The following CNTNAP2 variants were observed in gnomAD, a reference collection of about 807,000 sequenced individuals.
The protein encoded by CNTNAP2 is contactin associated protein 2.
In CNTNAP2, 98 loss-of-function variants were observed where a neutral mutation model predicts 155.2. The observed-to-expected ratio is 0.63, with a 90% CI of 0.54 to 0.75. The LOEUF (loss-of-function observed/expected upper bound fraction) is 0.75, where lower values mean the gene tolerates loss of function less well. Among genes scored for constraint, CNTNAP2 ranks in the 30% least tolerant of loss-of-function variants. The pLI is 0.00. For synonymous variants in CNTNAP2, 651 were observed against 631.2 expected (o/e 1.03, Z -0.47); for missense variants, 1,727 against 1,688.1 (o/e 1.02, Z -0.40).
At position 146,743,029 on chromosome 7, in the gene CNTNAP2, C is replaced by CT. The variant is rs570868962; in HGVS notation, c.98-31233dup. 8.6e-3 allele frequency among the ~76,000 whole-genome samples: 1,296 copies of CT among 150,964 alleles called. 41 individuals carry two copies. Among genetic ancestry groups the CT allele is most frequent in the Admixed American group, 0.064 (972 of 15,128 alleles). ...AATATTTGGCTAAAAATAGTGAAAT[C>CT]TTTTTTTTTAATTTTATTTTAGATG... is the stretch of plus-strand genomic sequence containing the variant. On this transcript the variant is annotated intron_variant, in intron 1 of 23. Coordinates refer to ENST00000361727, the MANE Select transcript of CNTNAP2 (RefSeq NM_014141.6).
intron 15 of CNTNAP2, among the ~76,000 whole-genome samples, chr7:148,075,280 T>G (rs952407643): frequency 6.6e-6 from 1 of 152,074 alleles, no homozygotes; most frequent in Admixed American, 6.5e-5. Context: ...CTACTAAAAT[T>G]ACAAAAATTA....
intron 6 of CNTNAP2, among the ~76,000 whole-genome samples, chr7:147,123,483 A>G (rs60844248): frequency 0.075 from 11,480 of 152,292 alleles, 789 homozygotes; most frequent in African/African-American, 0.19. Context: ...GCCCATCTAT[A>G]TACAATGTCG....
intron 1 of CNTNAP2, among the ~76,000 whole-genome samples, chr7:146,391,635 T>A (rs1795545248): frequency 1.3e-5 from 2 of 152,324 alleles, no homozygotes. Flanking sequence ...TTCAAATGAC[T>A]ATCAATTCAC....
intron 1 of CNTNAP2, among the ~76,000 whole-genome samples, chr7:146,769,506 G>A (rs113375371): frequency 3.3e-5 from 5 of 152,324 alleles, no homozygotes; most frequent in African/African-American, 1.2e-4. Flanking sequence ...CTTGCATGGA[G>A]TGCTGCTACA....
At chr7:147,498,215 T>C (rs1288367970) in intron 11 of CNTNAP2, among the ~76,000 whole-genome samples, 2 of 151,084 alleles carry the variant, frequency 1.3e-5, no homozygotes, top group Non-Finnish European at 2.9e-5. Context: ...CAGCTGACCA[T>C]GTGGCTGATT....
At chr7:147,550,870 T>C (rs1799838840) in intron 11 of CNTNAP2, among the ~76,000 whole-genome samples, 2 of 152,188 alleles carry the variant, frequency 1.3e-5, no homozygotes, top group East Asian at 3.8e-4. Flanking sequence ...ATAGATATAG[T>C]ATATACGTTT....
At chr7:146,487,497 T>A (rs950824204) in intron 1 of CNTNAP2, among the ~76,000 whole-genome samples, 2 of 152,232 alleles carry the variant, frequency 1.3e-5, no homozygotes, top group Non-Finnish European at 2.9e-5. Flanking sequence ...TACAACTTAA[T>A]GCTAATATCT....
chr7:147,473,054 A>C (rs1399163254), intron 10 of CNTNAP2, among the ~76,000 whole-genome samples: 1 of 152,170 alleles, frequency 6.6e-6, no homozygotes, highest in Non-Finnish European at 1.5e-5. Context: ...ACAGGGATCA[A>C]CTCAGGGCAA....
intron 20 of CNTNAP2, chr7:148,263,101 G>T (rs1360855304): frequency 6.6e-6 from 1 of 152,152 alleles, no homozygotes; most frequent in Non-Finnish European, 1.5e-5. Context: ...CTCGTGGTAA[G>T]ATCAGAGACT....
intron 1 of CNTNAP2, among the ~76,000 whole-genome samples, chr7:146,544,705 A>G (rs1798003659): frequency 1.3e-5 from 2 of 151,150 alleles, no homozygotes; most frequent in African/African-American, 4.9e-5. Context: ...CAAGAAGCAG[A>G]GTGCCTTGAA....
intron 15 of CNTNAP2, among the ~76,000 whole-genome samples, chr7:148,049,028 A>G (rs1254818306): frequency 6.6e-6 from 1 of 152,134 alleles, no homozygotes; most frequent in Non-Finnish European, 1.5e-5. Flanking sequence ...ACTGGCCAAC[A>G]TGGTGAAACC....
chr7:146,639,424 A>G lies in CNTNAP2; in HGVS notation c.98-134847A>G, dbSNP rs571659423. On this transcript the variant is annotated intron_variant, in intron 1 of 23. Coordinates refer to ENST00000361727, the MANE Select transcript of CNTNAP2 (RefSeq NM_014141.6). Reference sequence around the variant, plus strand: ...CATTTTACAAGCATTATCTCATCTCATGGAATCCCCACAAGTATCATGTAA... The same window carrying G: ...CATTTTACAAGCATTATCTCATCTCGTGGAATCCCCACAAGTATCATGTAA... Among the ~76,000 whole-genome samples the G allele has an allele frequency of 3.3e-5, 5 of 152,232 alleles. No homozygotes were observed. The East Asian group carries it at 9.7e-4, about 29-fold the overall frequency.
intron 4 of CNTNAP2, among the ~76,000 whole-genome samples, chr7:147,104,341 A>C (rs1422536001): frequency 6.6e-6 from 1 of 152,070 alleles, no homozygotes; most frequent in African/African-American, 2.4e-5. Context: ...CAAAATTATG[A>C]AATAAGGTTT....
chr7:147,756,481 T>A (rs1264944084), intron 13 of CNTNAP2, among the ~76,000 whole-genome samples: 1 of 152,218 alleles, frequency 6.6e-6, no homozygotes, highest in Non-Finnish European at 1.5e-5. Context: ...ACTGTGCAGC[T>A]GGCACTCTTG....
chr7:146,487,826 G>C (rs1183196321), intron 1 of CNTNAP2, among the ~76,000 whole-genome samples: 1 of 152,184 alleles, frequency 6.6e-6, no homozygotes, highest in Non-Finnish European at 1.5e-5. Flanking sequence ...CAAGAGCCCA[G>C]CTCCACGTGC....
intron 1 of CNTNAP2, among the ~76,000 whole-genome samples, chr7:146,695,653 A>C (rs936343693): frequency 2.0e-5 from 3 of 151,924 alleles, no homozygotes; most frequent in Non-Finnish European, 4.4e-5. Context: ...TCTTGAACTC[A>C]TGAGCTCAAG....
intron 1 of CNTNAP2, among the ~76,000 whole-genome samples, chr7:146,356,915 C>G (rs777961763): frequency 3.3e-5 from 5 of 152,170 alleles, no homozygotes; most frequent in Non-Finnish European, 7.3e-5. Flanking sequence ...CTCCAGGTCG[C>G]TGCTTATGGT....
intron 1 of CNTNAP2, among the ~76,000 whole-genome samples, chr7:146,137,290 G>T (rs1375269221): frequency 1.3e-5 from 2 of 152,102 alleles, no homozygotes; most frequent in East Asian, 3.9e-4. Context: ...TGTTCTGAAA[G>T]TATAATTTTA....
intron 3 of CNTNAP2, among the ~76,000 whole-genome samples, chr7:147,027,060 T>A (rs1798937948): frequency 6.6e-6 from 1 of 151,132 alleles, no homozygotes; most frequent in African/African-American, 2.4e-5. Flanking sequence ...TAACATTTTA[T>A]GACAATAGCT....
Sources: allele counts gnomAD v4.1 joint callset (sites outside exome capture counted in the v4.1 genomes callset), GRCh38; gene constraint gnomAD v4.1.1; transcripts MANE v1.5; gene names NCBI Gene and HGNC (gene_info 2026-07-23, HGNC 2026-07-21).